CPNE5: variants seen among roughly 807,000 people sequenced by gnomAD.
The protein encoded by CPNE5 is copine-5.
A neutral mutation model predicts 81.1 loss-of-function variants in CPNE5; 42 were observed. That is an observed-to-expected ratio of 0.52 (90% CI 0.40 to 0.67). The LOEUF (loss-of-function observed/expected upper bound fraction) is 0.67. Among genes scored for constraint, CPNE5 ranks in the 30% least tolerant of loss-of-function variants. The probability of loss-of-function intolerance (pLI) is 0.00; values close to 1 mark genes in which losing one functional copy is unlikely to be tolerated. For synonymous variants in CPNE5, 313 were observed against 321.5 expected, an observed-to-expected ratio of 0.97 and a Z score of 0.28; for missense variants, 612 against 815.5, an observed-to-expected ratio of 0.75 and a Z score of 3.04.
chr6:36,744,397 G>A lies in CPNE5; in HGVS notation c.1432-72C>T, dbSNP rs1408931797. The stretch of plus-strand genomic sequence containing the variant: ...CCCAGTTAAAAGGAAGGAGAAATCA[G>A]GGGTAGGACAGGAAGGGGTGGGCAG... On this transcript the variant is annotated intron_variant, in intron 18 of 20. Coordinates refer to ENST00000244751, the MANE Select transcript of CPNE5 (RefSeq NM_020939.2). 5.7e-6 allele frequency: 7 copies of A among 1,231,966 alleles called. No individual in the cohort carries two copies. In the East Asian group the frequency reaches 1.3e-4, roughly 22 times the overall value. 76.3% of individuals were successfully genotyped at this position (1,231,966 alleles called of 1,614,324 possible).
chr6:36,801,005 G>C (rs1349670630), intron 3 of CPNE5, among the ~76,000 whole-genome samples: 1 of 152,320 alleles, frequency 6.6e-6, no homozygotes, highest in East Asian at 1.9e-4. Flanking sequence ...CTGTGACCTT[G>C]TGAGAGACCC....
At chr6:36,743,663 TG>T in intron 20 of CPNE5, 25 bp downstream of exon 20, 1 of 1,608,408 alleles carries the variant, frequency 6.2e-7, no homozygotes, top group Non-Finnish European at 8.5e-7. Flanking sequence ...GAATTTCCCA[TG>T]GGGCAGGCAA....
At chr6:36,756,170 G>T in intron 13 of CPNE5, 75 bp downstream of exon 13, 1 of 1,281,866 alleles carries the variant, frequency 7.8e-7, no homozygotes. Flanking sequence ...AGACGCACGG[G>T]CCTCCCTGAT....
At chr6:36,780,124 T>C (rs1178037003) in intron 8 of CPNE5, among the ~76,000 whole-genome samples, 3 of 152,046 alleles carry the variant, frequency 2.0e-5, no homozygotes, top group Non-Finnish European at 1.5e-5. Context: ...CCACCACACC[T>C]AGCTAATTTA....
intron 15 of CPNE5, among the ~76,000 whole-genome samples, chr6:36,748,002 C>T (rs1764374157): frequency 6.6e-6 from 1 of 152,212 alleles, no homozygotes; most frequent in Admixed American, 6.5e-5. Context: ...TCCTCAAGGA[C>T]AAGGCTGTGG....
Position 36,792,090 on chromosome 6 carries a change from G to C in CPNE5, c.471C>G (p.Val157=), listed in dbSNP as rs747157932. The change falls in exon 8 of 21, where the codon GTC becomes GTG. Residue 157 remains valine (V), a synonymous_variant. Coordinates refer to ENST00000244751, the MANE Select transcript of CPNE5 (RefSeq NM_020939.2). ...KPMPAVSNGG[V]PGKKCGTIIL... ...TGATGGTGCCACATTTCTTTCCTGG[G>C]ACACCACTGGGAGAGGAGAAGATGA... 1 of 1,613,672 alleles carries C rather than the reference G, an allele frequency of 6.2e-7. No homozygotes were observed. The highest frequency in any genetic ancestry group is 1.3e-5 in the African/African-American group (1 of 74,850).
rs537687522 is a variant in CPNE5, at chr6:36,824,885, G to T, written c.96-1787C>A. On this transcript the variant is annotated intron_variant, in intron 1 of 20. Transcript: ENST00000244751. ...CACTTGAAACAGGGAGGTGGAGGTT[G>T]CAGTGAGCTGAGATCGCACCACTGC... 5.4e-3 allele frequency among the ~76,000 whole-genome samples: 821 copies of T among 152,338 alleles called. 3 individuals are homozygous for T. Among genetic ancestry groups the T allele is most frequent in the Non-Finnish European group, 0.01 (690 of 68,034 alleles).
intron 3 of CPNE5, among the ~76,000 whole-genome samples, chr6:36,802,254 T>C (rs1443493329): frequency 7.2e-6 from 1 of 138,868 alleles, no homozygotes; most frequent in Non-Finnish European, 1.5e-5. Context: ...AAGGTTATGA[T>C]GGAAAATTTT....
intron 1 of CPNE5, among the ~76,000 whole-genome samples, chr6:36,825,303 C>T (rs1772407590): frequency 6.6e-6 from 1 of 152,186 alleles, no homozygotes; most frequent in Admixed American, 6.5e-5. Context: ...CCCCAGATTG[C>T]ATTCATTAAT....
intron 2 of CPNE5, 82 bp downstream of exon 2, chr6:36,822,976 G>T: frequency 8.0e-7 from 1 of 1,242,800 alleles, no homozygotes. Flanking sequence ...TTAGTGCTCA[G>T]TAAGGGCTCA....
chr6:36,806,749 T>C (rs2150549109), intron 3 of CPNE5, among the ~76,000 whole-genome samples: 1 of 152,382 alleles, frequency 6.6e-6, no homozygotes, highest in South Asian at 2.1e-4. Flanking sequence ...CACCCTATTC[T>C]GCTCAGACTC....
chr6:36,832,474 C>G (rs1045777643), intron 1 of CPNE5, among the ~76,000 whole-genome samples: 24 of 152,218 alleles, frequency 1.6e-4, no homozygotes, highest in African/African-American at 5.8e-4. Flanking sequence ...GTAAAAAGAA[C>G]TTTTCAGAGA....
At chr6:36,828,807 T>C (rs1179151527) in intron 1 of CPNE5, among the ~76,000 whole-genome samples, 1 of 152,126 alleles carries the variant, frequency 6.6e-6, no homozygotes, top group Admixed American at 6.5e-5. Context: ...AGTGGGGGCA[T>C]TGAGAGCATA....
chr6:36,816,549 G>A (rs747292393), intron 3 of CPNE5, among the ~76,000 whole-genome samples: 9 of 152,208 alleles, frequency 5.9e-5, no homozygotes, highest in East Asian at 1.9e-4. Context: ...ATTATTTCTC[G>A]GACAAGATTC....
intron 1 of CPNE5, chr6:36,827,602 C>T (rs1260043636): frequency 1.0e-6 from 1 of 985,258 alleles, no homozygotes; most frequent in African/African-American, 1.7e-5. Flanking sequence ...GACCACAACA[C>T]ACACACGTGT....
chr6:36,822,136 A>G lies in CPNE5; in HGVS notation c.161T>C (p.Met54Thr). Residue 54 changes from methionine to threonine, a missense_variant, in exon 3 of 21, where the codon ATG becomes ACG. By Grantham distance (81) the Met-to-Thr change is moderately conservative. Coordinates refer to ENST00000244751, the MANE Select transcript of CPNE5 (RefSeq NM_020939.2). Reference sequence around the variant, plus strand: ...TACCTCCCGCCACTGCTTGTTCTCCATCCCTTGGGTATACATGACGCACAC... The same window carrying G: ...TACCTCCCGCCACTGCTTGTTCTCCGTCCCTTGGGTATACATGACGCACAC... ...DPLCVMYTQG[M>T]ENKQWREFGR... 6.5e-7 allele frequency: 1 copy of G among 1,538,632 alleles called. No homozygotes were observed. Among genetic ancestry groups the G allele is most frequent in the African/African-American group, 1.4e-5 (1 of 73,834 alleles).
At chr6:36,751,704 A>C (rs1254943473) in intron 14 of CPNE5, among the ~76,000 whole-genome samples, 2 of 152,212 alleles carry the variant, frequency 1.3e-5, no homozygotes, top group Non-Finnish European at 2.9e-5. Flanking sequence ...CTGAGGCAGG[A>C]GAATTGCTTG....
At chr6:36,819,171 C>T (rs1771822199) in intron 3 of CPNE5, among the ~76,000 whole-genome samples, 1 of 152,180 alleles carries the variant, frequency 6.6e-6, no homozygotes. Flanking sequence ...GGCACGATCT[C>T]AGCTCACTGC....
chr6:36,822,152 T>C lies in CPNE5; in HGVS notation c.145A>G (p.Met49Val), dbSNP rs1316535211. Residue 49 changes from methionine (M) to valine (V), a missense_variant, in exon 3 of 21, where the codon ATG becomes GTG. Physicochemically the swap from Met to Val is conservative, Grantham distance 21. Coordinates refer to ENST00000244751, the MANE Select transcript of CPNE5 (RefSeq NM_020939.2). ...TTGTTCTCCATCCCTTGGGTATACA[T>C]GACGCACACTGCGGGGGGAGGAGAA... ...MFSKSDPLCV[M>V]YTQGMENKQW... The C allele has an allele frequency of 6.5e-7, 1 of 1,530,272 alleles. No homozygotes were observed. 94.8% of individuals were successfully genotyped at this position (1,530,272 alleles called of 1,614,324 possible).
Sources: allele counts gnomAD v4.1 joint callset (sites outside exome capture counted in the v4.1 genomes callset), GRCh38; gene constraint gnomAD v4.1.1; transcripts MANE v1.5; gene names NCBI Gene and HGNC (gene_info 2026-07-23, HGNC 2026-07-21).